Variants in USH2A observed in about 807,000 individuals in gnomAD.
USH2A encodes Usher syndrome 2A (autosomal recessive, mild).
In USH2A, 443 loss-of-function variants were observed where a neutral mutation model predicts 538.9. That is an observed-to-expected ratio of 0.82 (90% CI 0.76 to 0.89). The LOEUF (loss-of-function observed/expected upper bound fraction) is 0.89. USH2A is among the 40% of genes least tolerant of loss of function. The pLI is 0.00. For synonymous variants in USH2A, 2,413 were observed against 2,273.5 expected, an observed-to-expected ratio of 1.06 and a Z score of -1.75; for missense variants, 6,633 against 6,324.8, an observed-to-expected ratio of 1.05 and a Z score of -1.65.
In USH2A at chr1:215,970,897, G is replaced by T. The variant is rs550403385; in HGVS notation, c.6806-121C>A. On this transcript the variant is annotated intron_variant, in intron 35 of 71. Transcript: ENST00000307340. Reference sequence around the variant, plus strand: ...TGGAATCATTAAATCACAGACTCTGGTATTTCTCCTTGTCTAAACTCTGTC... The same window carrying T: ...TGGAATCATTAAATCACAGACTCTGTTATTTCTCCTTGTCTAAACTCTGTC... 3.4e-5 allele frequency: 33 copies of T among 973,578 alleles called. No homozygotes were observed. In the East Asian group the frequency reaches 7.2e-4, roughly 21 times the overall value. 60.3% of individuals were successfully genotyped at this position (973,578 alleles called of 1,614,324 possible). A position where few individuals can be genotyped will look rare whatever the true frequency, so the allele number is the denominator to read the frequency against.
intron 49 of USH2A, among the ~76,000 whole-genome samples, chr1:215,809,624 A>C (rs1662606866): frequency 6.6e-6 from 1 of 152,132 alleles, no homozygotes; most frequent in Non-Finnish European, 1.5e-5. Flanking sequence ...AAAAACTACC[A>C]TGCAGTCTAA....
At chr1:215,873,513 C>CA (rs1418212118) in intron 43 of USH2A, among the ~76,000 whole-genome samples, 16 of 152,192 alleles carry the variant, frequency 1.1e-4, no homozygotes, top group African/African-American at 3.9e-4. Flanking sequence ...AGAAGAGGAA[C>CA]AAAAGTTATG....
chr1:216,102,275 C>A (rs921308221), intron 21 of USH2A, among the ~76,000 whole-genome samples: 1 of 151,208 alleles, frequency 6.6e-6, no homozygotes, highest in Non-Finnish European at 1.5e-5. Context: ...ATTAGAATGG[C>A]TAAAATGAAA....
At chr1:215,792,130 C>T (rs1465602318) in intron 50 of USH2A, among the ~76,000 whole-genome samples, 1 of 152,146 alleles carries the variant, frequency 6.6e-6, no homozygotes, top group African/African-American at 2.4e-5. Flanking sequence ...TCCCAAATTA[C>T]TTCATGGTTT....
intron 11 of USH2A, among the ~76,000 whole-genome samples, chr1:216,272,147 G>A (rs1482450449): frequency 6.6e-6 from 1 of 152,094 alleles, no homozygotes; most frequent in African/African-American, 2.4e-5. Context: ...GATTTTCCTT[G>A]TTGAAAGGTT....
intron 70 of USH2A, among the ~76,000 whole-genome samples, chr1:215,633,739 C>T (rs1025141104): frequency 9.9e-5 from 15 of 152,160 alleles, no homozygotes; most frequent in East Asian, 5.8e-4. Context: ...GATTAGAAAA[C>T]GCAGCCTTTC....
At chr1:215,683,260 C>G (rs1658303448) in intron 61 of USH2A, among the ~76,000 whole-genome samples, 1 of 102,336 alleles carries the variant, frequency 9.8e-6, no homozygotes, top group African/African-American at 3.4e-5. Context: ...CACACGCACA[C>G]ACACACAAAC....
chr1:215,755,548 G>T (rs192881842), intron 58 of USH2A, among the ~76,000 whole-genome samples: 1 of 152,094 alleles, frequency 6.6e-6, no homozygotes, highest in Non-Finnish European at 1.5e-5. Context: ...TCATCTGACT[G>T]TTTACTGAGT....
chr1:216,405,863 T>A (rs1474808747), intron 3 of USH2A, among the ~76,000 whole-genome samples: 1 of 152,214 alleles, frequency 6.6e-6, no homozygotes, highest in Non-Finnish European at 1.5e-5. Context: ...GGACTATCAA[T>A]GCCCTTAACA....
rs2031632939 is a variant in USH2A, at chr1:216,073,411, A to G, written c.5573-111T>C. On this transcript the variant is annotated intron_variant, in intron 27 of 71. Transcript: ENST00000307340. The stretch of plus-strand genomic sequence containing the variant: ...TGAGGAAGGGGGGTGGTTAGATACA[A>G]TTGCTAGACTTTCGAGTCTTCCTTG... The G allele has an allele frequency of 4.3e-6, 5 of 1,154,832 alleles. No homozygotes were observed. In the South Asian group the frequency reaches 6.6e-5, roughly 15 times the overall value. The allele number at this position is 1,154,832 out of a possible 1,614,324, so 71.5% of individuals were successfully genotyped here. A position where few individuals can be genotyped will look rare whatever the true frequency, so the allele number is the denominator to read the frequency against.
chr1:216,192,861 C>T (rs2034748602), intron 19 of USH2A, among the ~76,000 whole-genome samples: 1 of 151,938 alleles, frequency 6.6e-6, no homozygotes, highest in Non-Finnish European at 1.5e-5. Flanking sequence ...AATGTAGTTC[C>T]ACACCATTAA....
chr1:215,734,914 C>A (rs895478740), intron 60 of USH2A, among the ~76,000 whole-genome samples: 1 of 152,168 alleles, frequency 6.6e-6, no homozygotes, highest in Admixed American at 6.5e-5. Context: ...TTTTCCCTCA[C>A]CTTCCTGTCT....
chr1:216,259,432 C>T (rs1489572384), intron 11 of USH2A, among the ~76,000 whole-genome samples: 1 of 151,858 alleles, frequency 6.6e-6, no homozygotes, highest in Non-Finnish European at 1.5e-5. Context: ...ATGTTGCTGC[C>T]AAATACAGTA....
chr1:215,686,548 G>A (rs1049874605), intron 61 of USH2A, among the ~76,000 whole-genome samples: 2 of 152,048 alleles, frequency 1.3e-5, no homozygotes, highest in Admixed American at 6.6e-5. Context: ...GGCTGTGAAT[G>A]TCACTCTAAA....
rs971058062 is a variant in USH2A, at chr1:216,103,276, C to G, written c.4628-6063G>C. On this transcript the variant is annotated intron_variant, in intron 21 of 71. Coordinates refer to ENST00000307340, the MANE Select transcript of USH2A (RefSeq NM_206933.4). ...ATCCGGGTTATAAAAATGGGTCAAC[C>G]TGCACACTGCTACTTTTTGCACTTT... 2.9e-4 allele frequency among the ~76,000 whole-genome samples: 44 copies of G among 152,332 alleles called. 1 individual carries two copies. Among genetic ancestry groups the G allele is most frequent in the Admixed American group, 1.3e-4 (2 of 15,306 alleles).
At chr1:216,404,524 A>G (rs2039359337) in intron 3 of USH2A, among the ~76,000 whole-genome samples, 1 of 152,020 alleles carries the variant, frequency 6.6e-6, no homozygotes, top group Non-Finnish European at 1.5e-5. Context: ...TGAAGGAAGG[A>G]TATAGCCTTT....
At chr1:215,991,609 A>G (rs778709505) in intron 35 of USH2A, among the ~76,000 whole-genome samples, 1 of 152,228 alleles carries the variant, frequency 6.6e-6, no homozygotes, top group Non-Finnish European at 1.5e-5. Flanking sequence ...AAATCTCCAA[A>G]ATCTCCCAAA....
intron 30 of USH2A, among the ~76,000 whole-genome samples, chr1:216,057,214 G>A (rs1420747752): frequency 6.6e-6 from 1 of 152,112 alleles, no homozygotes; most frequent in Non-Finnish European, 1.5e-5. Context: ...ATTCAGGAGA[G>A]TTAGACAAAG....
intron 55 of USH2A, among the ~76,000 whole-genome samples, chr1:215,776,520 G>T (rs569102037): frequency 1.3e-5 from 2 of 152,190 alleles, no homozygotes; most frequent in South Asian, 4.2e-4. Flanking sequence ...AGACAATGGG[G>T]CCGAGGCAAG....
Sources: allele counts gnomAD v4.1 joint callset (sites outside exome capture counted in the v4.1 genomes callset), GRCh38; gene constraint gnomAD v4.1.1; transcripts MANE v1.5; gene names NCBI Gene and HGNC (gene_info 2026-07-23, HGNC 2026-07-21).